The following SLC14A2 variants were observed in gnomAD, a reference collection of about 807,000 sequenced individuals.
The protein encoded by SLC14A2 is urea transporter 2.
In SLC14A2, 91 loss-of-function variants were observed where a neutral mutation model predicts 104.6. The observed-to-expected ratio is 0.87, with a 90% CI of 0.73 to 1.04. The LOEUF (loss-of-function observed/expected upper bound fraction) is 1.04. Ranked by LOEUF, SLC14A2 falls within the 50% of genes least tolerant of loss-of-function variation. SLC14A2 has a pLI of 0.00. For missense variants in SLC14A2, 1,189 were observed against 1,156.0 expected (o/e 1.03, Z -0.41); for synonymous variants, 476 against 466.4 (o/e 1.02, Z -0.27).
At chr18:45,682,033 C>T (rs1456853256) in intron 19 of SLC14A2, among the ~76,000 whole-genome samples, 1 of 152,230 alleles carries the variant, frequency 6.6e-6, no homozygotes, top group Admixed American at 6.5e-5. Context: ...TCTGACAAAA[C>T]ACAGCCTCTA....
At chr18:45,434,278 T>A (rs555897270) in intron 1 of SLC14A2, among the ~76,000 whole-genome samples, 1 of 152,282 alleles carries the variant, frequency 6.6e-6, no homozygotes, top group South Asian at 2.1e-4. Flanking sequence ...CCAAGACTGA[T>A]GGGTTGAGAG....
chr18:45,366,626 C>A (rs1158002549), intron 1 of SLC14A2, among the ~76,000 whole-genome samples: 2 of 152,220 alleles, frequency 1.3e-5, no homozygotes, highest in African/African-American at 4.8e-5. Context: ...TTTCAGACTA[C>A]CCAGAAAAAC....
At chr18:45,467,427 T>C (rs2144657773) in intron 1 of SLC14A2, among the ~76,000 whole-genome samples, 1 of 152,288 alleles carries the variant, frequency 6.6e-6, no homozygotes, top group Non-Finnish European at 1.5e-5. Context: ...GACAGTTTAA[T>C]AGCCAGAGAG....
intron 1 of SLC14A2, among the ~76,000 whole-genome samples, chr18:45,222,326 G>A (rs776192430): frequency 1.3e-5 from 2 of 152,168 alleles, no homozygotes; most frequent in Non-Finnish European, 2.9e-5. Context: ...TACTGACCTC[G>A]TTTTTGGAAT....
chr18:45,415,446 A>C lies in SLC14A2; in HGVS notation c.-124-67787A>C, dbSNP rs374142938. Among the ~76,000 whole-genome samples the C allele has an allele frequency of 4.6e-5, 7 of 152,282 alleles. No individual in the cohort carries two copies. The East Asian group carries it at 1.4e-3, about 29-fold the overall frequency. ...GCTCTGTAATCGAGCCATCTTCACT[A>C]TCTGATGGCATAAGTCAAATATTAG... On this transcript the variant is annotated intron_variant, in intron 1 of 20. Coordinates refer to the SLC14A2 transcript ENST00000586448.
intron 2 of SLC14A2, among the ~76,000 whole-genome samples, chr18:45,544,179 G>A (rs2043932117): frequency 6.6e-6 from 1 of 152,142 alleles, no homozygotes; most frequent in African/African-American, 2.4e-5. Flanking sequence ...ATAGTATACT[G>A]AGTCCTTTAA....
the SLC14A2 span, among the ~76,000 whole-genome samples, chr18:45,182,566 C>T: frequency 2.9e-3 from 447 of 151,770 alleles, 3 homozygotes; most frequent in African/African-American, 0.01. Context: ...CTAAGGCCAA[C>T]GAGAGTATTT....
chr18:45,278,639 A>T (rs1334919091), intron 1 of SLC14A2, among the ~76,000 whole-genome samples: 1 of 152,154 alleles, frequency 6.6e-6, no homozygotes, highest in Non-Finnish European at 1.5e-5. Flanking sequence ...AGGACCCCTA[A>T]GTATACCAAA....
intron 2 of SLC14A2, among the ~76,000 whole-genome samples, chr18:45,573,984 T>C (rs10502868): frequency 0.062 from 9,443 of 152,308 alleles, 311 homozygotes; most frequent in African/African-American, 0.078. Context: ...TGTATTCACA[T>C]GGCTGTAAGC....
In SLC14A2 at chr18:45,667,840, C is replaced by A; in HGVS notation, c.1725C>A (p.Ser575=). ...GCCCCGGTTCCATTTCAGACAAGTC[C>A]CCAGTGTTCCAGTTCTTTGACTGGG... is the stretch of plus-strand genomic sequence containing the variant. ...KECGEGLKDK[S]PVFQFFDWVL... Residue 575 remains serine, a synonymous_variant, in exon 14 of 20, where the codon TCC becomes TCA. Coordinates refer to ENST00000255226, the MANE Select transcript of SLC14A2 (RefSeq NM_007163.4). 1 of 1,614,020 alleles carries A rather than the reference C, an allele frequency of 6.2e-7. No homozygotes were observed. Among genetic ancestry groups the A allele is most frequent in the Non-Finnish European group, 8.5e-7 (1 of 1,179,888 alleles).
At chr18:45,516,943 G>A (rs1251337538) in intron 2 of SLC14A2, among the ~76,000 whole-genome samples, 1 of 152,206 alleles carries the variant, frequency 6.6e-6, no homozygotes, top group African/African-American at 2.4e-5. Context: ...AGCCTTGAAA[G>A]GTGAACAGTA....
At chr18:45,466,719 AG>A (rs1362155353) in intron 1 of SLC14A2, among the ~76,000 whole-genome samples, 3 of 151,676 alleles carry the variant, frequency 2.0e-5, no homozygotes, top group Admixed American at 6.6e-5. Flanking sequence ...GGTAAATAAA[AG>A]AGAGAGTTAA....
At chr18:45,262,093 T>C (rs529392143) in intron 1 of SLC14A2, among the ~76,000 whole-genome samples, 1 of 152,318 alleles carries the variant, frequency 6.6e-6, no homozygotes, top group African/African-American at 2.4e-5. Context: ...TTTTAATGAT[T>C]GCCATTCTAA....
intron 4 of SLC14A2, among the ~76,000 whole-genome samples, chr18:45,630,745 G>A (rs539312024): frequency 2.6e-5 from 4 of 152,260 alleles, no homozygotes; most frequent in African/African-American, 9.6e-5. Flanking sequence ...TGCTCCTGAA[G>A]TGCTCCCCAG....
intron 1 of SLC14A2, among the ~76,000 whole-genome samples, chr18:45,384,753 A>G (rs2085876381): frequency 6.6e-6 from 1 of 152,216 alleles, no homozygotes; most frequent in East Asian, 1.9e-4. Flanking sequence ...GAAAGCCACA[A>G]AAAAACTGAG....
upstream of SLC14A2, among the ~76,000 whole-genome samples, chr18:45,611,275 G>A (rs869875): frequency 0.019 from 2,857 of 152,270 alleles, 47 homozygotes; most frequent in Middle Eastern, 0.058. Context: ...TATCTGTCCC[G>A]ATTTCTACCC....
chr18:45,455,637 C>CATAATAATAATAATAATA (rs141156069), intron 1 of SLC14A2, among the ~76,000 whole-genome samples: 36 of 148,900 alleles, frequency 2.4e-4, no homozygotes, highest in Non-Finnish European at 4.8e-4. Flanking sequence ...GAACTTAAAG[C>CATAATAATAATAATAATA]ATAATAATAA....
At chr18:45,458,547 G>A (rs2144632979) in intron 1 of SLC14A2, among the ~76,000 whole-genome samples, 1 of 152,242 alleles carries the variant, frequency 6.6e-6, no homozygotes, top group South Asian at 2.1e-4. Context: ...GTGACATCAT[G>A]CTTGAAATGA....
chr18:45,202,215 G>C, the SLC14A2 span, among the ~76,000 whole-genome samples: 1 of 152,266 alleles, frequency 6.6e-6, no homozygotes, highest in South Asian at 2.1e-4. Context: ...TTCCCCAACA[G>C]AGTGGTTGCT....
Sources: gnomAD v4.1 joint callset for allele counts (sites outside exome capture counted in the v4.1 genomes callset) on GRCh38, gnomAD v4.1.1 for gene constraint, MANE v1.5 for transcripts, NCBI Gene and HGNC (gene_info 2026-07-23, HGNC 2026-07-21) for gene names.